Variants in DOCK3 observed in about 807,000 individuals in gnomAD.
The protein encoded by DOCK3 is dedicator of cytokinesis 3, also known as dedicator of cytokinesis protein 3.
Under a neutral mutation model 265.6 loss-of-function variants are expected in DOCK3, and 60 were observed. The observed-to-expected ratio is 0.23, with a 90% CI of 0.18 to 0.28. The LOEUF (loss-of-function observed/expected upper bound fraction) is 0.28, where lower values mean the gene tolerates loss of function less well. Ranked by LOEUF, DOCK3 falls within the 10% of genes least tolerant of loss-of-function variation. DOCK3 has a pLI of 1.00. For missense variants in DOCK3, 1,981 were observed against 2,594.3 expected (o/e 0.76, Z 5.14); for synonymous variants, 881 against 938.0 (o/e 0.94, Z 1.11).
At chr3:51,356,333 GT>G in intron 42 of DOCK3, 73 bp from the exon 43 acceptor site, 1 of 1,612,398 alleles carries the variant, frequency 6.2e-7, no homozygotes. Context: ...ACTCACCACT[GT>G]TTTATCCCTC....
intron 1 of DOCK3, among the ~76,000 whole-genome samples, chr3:50,748,852 A>G (rs2039612638): frequency 6.6e-6 from 1 of 152,232 alleles, no homozygotes; most frequent in Non-Finnish European, 1.5e-5. Flanking sequence ...GCTGGTTTAC[A>G]TACTGAGTTA....
intron 5 of DOCK3, among the ~76,000 whole-genome samples, chr3:50,992,090 G>A (rs1011736725): frequency 1.3e-5 from 2 of 152,106 alleles, no homozygotes; most frequent in South Asian, 2.1e-4. Flanking sequence ...CACAGCTAAG[G>A]CAGTGTTAAG....
At chr3:51,066,760 GAA>G (rs1462613919) in intron 6 of DOCK3, among the ~76,000 whole-genome samples, 2 of 152,186 alleles carry the variant, frequency 1.3e-5, no homozygotes, top group African/African-American at 4.8e-5. Context: ...TTCATCAGTA[GAA>G]AAGAGGAAAT....
At chr3:50,766,305 A>C (rs2040872045) in intron 1 of DOCK3, among the ~76,000 whole-genome samples, 1 of 116,252 alleles carries the variant, frequency 8.6e-6, no homozygotes, top group Non-Finnish European at 1.6e-5. Context: ...CCGGTGTGTG[A>C]TGTTCCCCTT....
chr3:51,203,553 T>C (rs2088960231), intron 12 of DOCK3, among the ~76,000 whole-genome samples: 1 of 152,110 alleles, frequency 6.6e-6, no homozygotes, highest in Non-Finnish European at 1.5e-5. Flanking sequence ...TGCTCATGGA[T>C]AGGAAGAATC....
intron 5 of DOCK3, among the ~76,000 whole-genome samples, chr3:50,954,621 A>G (rs1159633215): frequency 1.3e-5 from 2 of 152,166 alleles, no homozygotes; most frequent in Admixed American, 6.5e-5. Context: ...AGCTGCATGT[A>G]TATTTTCTTT....
intron 1 of DOCK3, among the ~76,000 whole-genome samples, chr3:50,740,963 C>T (rs1468692230): frequency 6.6e-6 from 1 of 151,950 alleles, no homozygotes; most frequent in Admixed American, 6.6e-5. Context: ...AACAAAAAGT[C>T]AACACCCATG....
At chr3:51,233,010 A>AT (rs1267197089) in intron 19 of DOCK3, among the ~76,000 whole-genome samples, 2 of 152,120 alleles carry the variant, frequency 1.3e-5, no homozygotes, top group African/African-American at 4.8e-5. Flanking sequence ...AGTATGATGC[A>AT]TTTTTGGTAC....
chr3:51,002,677 T>C (rs980331820), intron 5 of DOCK3, among the ~76,000 whole-genome samples: 1 of 152,216 alleles, frequency 6.6e-6, no homozygotes, highest in East Asian at 1.9e-4. Flanking sequence ...TAAACAGCCT[T>C]GAACTTTGAC....
At chr3:50,782,760 T>C (rs1159644349) in intron 2 of DOCK3, among the ~76,000 whole-genome samples, 1 of 152,060 alleles carries the variant, frequency 6.6e-6, no homozygotes, top group Admixed American at 6.6e-5. Flanking sequence ...CTGTACCCAA[T>C]GTGTAGCCTT....
intron 9 of DOCK3, among the ~76,000 whole-genome samples, chr3:51,137,611 C>G (rs928193085): frequency 6.6e-6 from 1 of 151,980 alleles, no homozygotes; most frequent in Non-Finnish European, 1.5e-5. Context: ...TTACAAATCT[C>G]AAAAAAGGTA....
chr3:51,043,402 C>T (rs778761223), intron 5 of DOCK3, among the ~76,000 whole-genome samples: 2 of 152,102 alleles, frequency 1.3e-5, no homozygotes, highest in South Asian at 2.1e-4. Context: ...ATTGAAACTG[C>T]ACTCCTTCCT....
intron 10 of DOCK3, among the ~76,000 whole-genome samples, chr3:51,152,161 T>C (rs1175766198): frequency 6.6e-6 from 1 of 152,228 alleles, no homozygotes; most frequent in African/African-American, 2.4e-5. Context: ...TCTTTTCACA[T>C]AGTCCCATAT....
chr3:51,148,046 G>C (rs1424779835), intron 10 of DOCK3, among the ~76,000 whole-genome samples: 1 of 152,190 alleles, frequency 6.6e-6, no homozygotes, highest in Non-Finnish European at 1.5e-5. Context: ...ACTGGCGTGA[G>C]ATGGTATCTC....
intron 38 of DOCK3, among the ~76,000 whole-genome samples, chr3:51,341,963 C>T (rs1286259845): frequency 3.3e-5 from 5 of 152,248 alleles, no homozygotes; most frequent in Non-Finnish European, 4.4e-5. Flanking sequence ...AGCCATTCTC[C>T]TCCCATCTCT....
chr3:51,267,472 C>T lies in DOCK3; in HGVS notation c.2356-3343C>T, dbSNP rs893529590. On this transcript the variant is annotated intron_variant, in intron 23 of 52. Coordinates refer to ENST00000266037, the MANE Select transcript of DOCK3 (RefSeq NM_004947.5). ...CGATCCCAGCTCACTGCGACCTCCA[C>T]CTCCCGTGTTCAAGTGATTCTCCTG... is the stretch of plus-strand genomic sequence containing the variant. Among the ~76,000 whole-genome samples, 28 of 151,684 alleles carry T rather than the reference C, an allele frequency of 1.8e-4. 1 individual carries two copies. Among genetic ancestry groups the T allele is most frequent in the Non-Finnish European group, 2.9e-5 (2 of 67,968 alleles).
At chr3:51,259,855 G>A (rs559996003) in intron 22 of DOCK3, among the ~76,000 whole-genome samples, 11 of 152,152 alleles carry the variant, frequency 7.2e-5, no homozygotes, top group Non-Finnish European at 1.5e-4. Context: ...TAAACTCTGA[G>A]TGGTCTTGAA....
At chr3:51,183,534 C>G (rs2107754085) in intron 12 of DOCK3, among the ~76,000 whole-genome samples, 1 of 152,256 alleles carries the variant, frequency 6.6e-6, no homozygotes, top group East Asian at 1.9e-4. Context: ...TTGTTTTCTC[C>G]TCTAGATTTC....
At chr3:50,909,358 C>T (rs1002528705) in intron 4 of DOCK3, among the ~76,000 whole-genome samples, 1 of 152,086 alleles carries the variant, frequency 6.6e-6, no homozygotes, top group Non-Finnish European at 1.5e-5. Flanking sequence ...TAGTAATGGT[C>T]TTTCCTTTCC....
Sources: gnomAD v4.1 joint callset for allele counts (sites outside exome capture counted in the v4.1 genomes callset) on GRCh38, gnomAD v4.1.1 for gene constraint, MANE v1.5 for transcripts, NCBI Gene and HGNC (gene_info 2026-07-23, HGNC 2026-07-21) for gene names.